GRIN1: variants seen among roughly 807,000 people sequenced by gnomAD.
GRIN1 encodes glutamate receptor ionotropic, NMDA 1.
A neutral mutation model predicts 103.0 loss-of-function variants in GRIN1; 38 were observed. The ratio of observed to expected loss-of-function variants is 0.37; its 90% CI spans 0.28 to 0.48. The LOEUF (loss-of-function observed/expected upper bound fraction) is 0.48, where lower values mean the gene tolerates loss of function less well. GRIN1 is among the 20% of genes least tolerant of loss of function. The pLI is 0.98. For missense variants in GRIN1, 577 were observed against 1,288.9 expected, an observed-to-expected ratio of 0.45 and a Z score of 8.46; for synonymous variants, 544 against 532.7, an observed-to-expected ratio of 1.02 and a Z score of -0.29.
At chr9:137,150,172 G>T (rs1832758519) in intron 4 of GRIN1, among the ~76,000 whole-genome samples, 1 of 152,170 alleles carries the variant, frequency 6.6e-6, no homozygotes, top group African/African-American at 2.4e-5. Context: ...AAGCTCACAG[G>T]TCACTTGTCC....
chr9:137,161,976 G>A lies in GRIN1; in HGVS notation c.1520G>A (p.Ser507Asn), dbSNP rs1373791484. 1 of 1,564,968 alleles carries A rather than the reference G, an allele frequency of 6.4e-7. No homozygotes were observed. The highest frequency in any genetic ancestry group is 2.4e-5 in the East Asian group (1 of 42,054). The part of the protein sequence containing the change: ...EWNGMMGELL[S>N]GQADMIVAPL... Reference sequence around the variant, plus strand: ...AATGGGATGATGGGCGAGCTGCTCAGCGGGCAGGCAGACATGATCGTGGCG... The same window carrying A: ...AATGGGATGATGGGCGAGCTGCTCAACGGGCAGGCAGACATGATCGTGGCG... The change falls in exon 11 of 20, where the codon AGC becomes AAC. Residue 507 changes from serine (S) to asparagine (N), a missense_variant. Physicochemically the swap from Ser to Asn is conservative, Grantham distance 46 (BLOSUM62 1). Coordinates refer to ENST00000371561, the MANE Select transcript of GRIN1 (RefSeq NM_007327.4).
intron 12 of GRIN1, 42 bp from the exon 13 acceptor site, chr9:137,162,362 C>CCTCTCCCGCCCT (rs1248538363): frequency 3.2e-6 from 5 of 1,540,320 alleles, no homozygotes; most frequent in East Asian, 4.8e-5. Flanking sequence ...GGCAGGGCCG[C>CCTCTCCCGCCCT]CTCTCCCGCC....
intron 4 of GRIN1, among the ~76,000 whole-genome samples, chr9:137,154,183 G>A (rs1292223513): frequency 6.7e-6 from 1 of 149,558 alleles, no homozygotes; most frequent in East Asian, 1.9e-4. Context: ...GGAGTACAGT[G>A]GCACAATCTT....
At chr9:137,143,496 T>C (rs999716157) in intron 2 of GRIN1, among the ~76,000 whole-genome samples, 2 of 152,204 alleles carry the variant, frequency 1.3e-5, no homozygotes, top group Non-Finnish European at 2.9e-5. Context: ...AAGATGGCCT[T>C]ACCCAGGAAA....
At chr9:137,145,979 G>T (rs1832509255) in intron 3 of GRIN1, 77 bp downstream of exon 3, 2 of 1,049,274 alleles carry the variant, frequency 1.9e-6, no homozygotes, top group Non-Finnish European at 2.8e-6. Context: ...GTGGCTCCGT[G>T]TGTGACACCC....
At position 137,159,343 on chromosome 9, in the gene GRIN1, G is replaced by A. The variant is rs567338703; in HGVS notation, c.1197+639G>A. 1.6e-4 allele frequency among the ~76,000 whole-genome samples: 25 copies of A among 152,254 alleles called. No individual in the cohort carries two copies. In the East Asian group the frequency reaches 3.1e-3, roughly 19 times the overall value. On this transcript the variant is annotated intron_variant, in intron 8 of 19. Coordinates refer to ENST00000371561, the MANE Select transcript of GRIN1 (RefSeq NM_007327.4). ...AAGGCAAGGACCTCACAGGCGACAC[G>A]CCCACCAACCTTCTCTCGGTCATTC...
At chr9:137,149,502 G>A (rs1832720526) in intron 4 of GRIN1, among the ~76,000 whole-genome samples, 1 of 152,258 alleles carries the variant, frequency 6.6e-6, no homozygotes, top group African/African-American at 2.4e-5. Context: ...TGTGCCAGGC[G>A]AAAAGGCCCA....
chr9:137,167,380 G>A, intron 19 of GRIN1, 31 bp from the exon 20 acceptor site: 1 of 1,529,036 alleles, frequency 6.5e-7, no homozygotes, highest in Non-Finnish European at 8.9e-7. Context: ...GGCGGGGCCA[G>A]CGGGTATTGA....
intron 1 of GRIN1, among the ~76,000 whole-genome samples, chr9:137,140,978 G>T (rs1403913376): frequency 6.6e-6 from 1 of 152,196 alleles, no homozygotes; most frequent in Non-Finnish European, 1.5e-5. Flanking sequence ...GTAGCCAGTG[G>T]CTGCAGTCAC....
chr9:137,143,539 C>T lies in GRIN1; in HGVS notation c.393+1392C>T, dbSNP rs146950741. On this transcript the variant is annotated intron_variant, in intron 2 of 19. Coordinates refer to ENST00000371561, the MANE Select transcript of GRIN1 (RefSeq NM_007327.4). Reference sequence around the variant, plus strand: ...GTGGTCAAATGAAAGGCGGGGGAAACGGATGCCCCTGGCCCAGAGCAGGCC... The same window carrying T: ...GTGGTCAAATGAAAGGCGGGGGAAATGGATGCCCCTGGCCCAGAGCAGGCC... Among the ~76,000 whole-genome samples the T allele has an allele frequency of 3.7e-3, 564 of 152,170 alleles. 4 individuals are homozygous for T. The highest frequency in any genetic ancestry group is 6.8e-3 in the Non-Finnish European group (461 of 68,022).
chr9:137,149,252 C>G, intron 4 of GRIN1, 143 bp downstream of exon 4: 1 of 696,190 alleles, frequency 1.4e-6, no homozygotes, highest in Non-Finnish European at 2.6e-6. Flanking sequence ...CCACCCCCAC[C>G]CCCACCCGCA....
intron 4 of GRIN1, among the ~76,000 whole-genome samples, chr9:137,153,946 G>C (rs1461417437): frequency 1.3e-5 from 2 of 152,032 alleles, no homozygotes; most frequent in Non-Finnish European, 2.9e-5. Flanking sequence ...TGAGTAGCAG[G>C]AATTACAGGT....
At chr9:137,163,469 C>A in intron 16 of GRIN1, 90 bp from the exon 17 acceptor site, 7 of 1,375,146 alleles carry the variant, frequency 5.1e-6, no homozygotes, top group Non-Finnish European at 7.2e-6. Context: ...CGCACCCTAC[C>A]CCGCAGGCCC....
chr9:137,139,830 C>A lies in GRIN1; in HGVS notation c.258+86C>A. ...CCAGTTTCATTCCATCCTTTCCGTG[C>A]CCCCTTCCTCCCTGTAAGACACCAC... is the stretch of plus-strand genomic sequence containing the variant. On this transcript the variant is annotated intron_variant, in intron 1 of 19. Coordinates refer to ENST00000371561, the MANE Select transcript of GRIN1 (RefSeq NM_007327.4). The surrounding 1 kb of genome is among the most constrained non-coding windows in gnomAD (Gnocchi z 7.7). The A allele has an allele frequency of 1.9e-6, 2 of 1,065,924 alleles. No homozygotes were observed. The highest frequency in any genetic ancestry group is 2.9e-6 in the Non-Finnish European group (2 of 691,026). 66.0% of individuals were successfully genotyped at this position (1,065,924 alleles called of 1,614,324 possible).
chr9:137,164,679 C>T (rs765697257), intron 18 of GRIN1: 6 of 192,438 alleles, frequency 3.1e-5, no homozygotes, highest in East Asian at 1.4e-4. Flanking sequence ...CCAGCACTGG[C>T]GGGCACAGGC....
intron 2 of GRIN1, among the ~76,000 whole-genome samples, chr9:137,144,498 CAA>C (rs575563220): frequency 1.3e-5 from 2 of 151,810 alleles, no homozygotes. Flanking sequence ...ACTAAAAATA[CAA>C]AAAAATTAGC....
intron 4 of GRIN1, among the ~76,000 whole-genome samples, chr9:137,154,925 C>G (rs1833133412): frequency 6.6e-6 from 1 of 152,214 alleles, no homozygotes; most frequent in South Asian, 2.1e-4. Flanking sequence ...GTGGCAGGCA[C>G]AGGCCTTCTT....
intron 19 of GRIN1, 133 bp downstream of exon 19, chr9:137,165,429 G>A (rs889270552): frequency 2.8e-5 from 20 of 706,256 alleles, no homozygotes; most frequent in African/African-American, 2.6e-4. Context: ...TGTGGCGGCC[G>A]CTCTGCCCAG....
intron 11 of GRIN1, 31 bp from the exon 12 acceptor site, chr9:137,162,141 C>G: frequency 6.5e-7 from 1 of 1,541,086 alleles, no homozygotes; most frequent in South Asian, 1.2e-5. Context: ...CTGGAGGGCC[C>G]GGGCCGCGCT....
Sources: allele counts gnomAD v4.1 joint callset (sites outside exome capture counted in the v4.1 genomes callset), GRCh38; gene constraint gnomAD v4.1.1; non-coding constraint Gnocchi (gnomAD v3.1); transcripts MANE v1.5; gene names NCBI Gene and HGNC (gene_info 2026-07-23, HGNC 2026-07-21).